The following IFT88 variants were observed in gnomAD, a reference collection of about 807,000 sequenced individuals.
The protein encoded by IFT88 is intraflagellar transport protein 88 homolog.
A neutral mutation model predicts 119.5 loss-of-function variants in IFT88; 74 were observed. The observed-to-expected ratio is 0.62, with a 90% confidence interval of 0.51 to 0.75. The LOEUF is 0.75. IFT88 is among the 30% of genes least tolerant of loss of function. The probability of loss-of-function intolerance (pLI) is 0.00; values close to 1 mark genes in which losing one functional copy is unlikely to be tolerated. For missense variants in IFT88, 961 were observed against 977.7 expected, an observed-to-expected ratio of 0.98 and a Z score of 0.23; for synonymous variants, 279 against 316.7, an observed-to-expected ratio of 0.88 and a Z score of 1.26.
At position 20,658,383 on chromosome 13, in the gene IFT88, G is replaced by C. The variant is rs368377279; in HGVS notation, c.2068+1953G>C. On this transcript the variant is annotated intron_variant, in intron 22 of 25. Transcript: ENST00000351808. ...GGTGTGAGCCACCATGCCCGGCCTA[G>C]AACTTTTTTAAAGTACAAATTTCTA... 1.8e-4 allele frequency among the ~76,000 whole-genome samples: 28 copies of C among 152,210 alleles called. No individual in the cohort carries two copies. In the East Asian group the frequency reaches 2.9e-3, roughly 16 times the overall value.
chr13:20,656,399 TACTC>T lies in IFT88; in HGVS notation c.2040_2043del (p.His681GlufsTer13). The T allele has an allele frequency of 2.6e-6, 4 of 1,524,362 alleles. No homozygotes were observed. Among genetic ancestry groups the T allele is most frequent in the Non-Finnish European group, 1.8e-6 (2 of 1,115,976 alleles). 94.4% of individuals were successfully genotyped at this position (1,524,362 alleles called of 1,614,324 possible). A position where few individuals can be genotyped will look rare whatever the true frequency, so the allele number is the denominator to read the frequency against. ...AAAAAGCATTAGATACTTACAAAGA[TACTC>T]ACAGAAAATTTCCAGAAAATGTCGA... is the stretch of plus-strand genomic sequence containing the variant. On this transcript the variant is annotated frameshift_variant, in exon 22 of 26. Transcript: ENST00000351808. LOFTEE classifies it high-confidence loss of function.
intron 22 of IFT88, 142 bp from the exon 23 acceptor site, chr13:20,663,356 G>A: frequency 6.6e-7 from 1 of 1,526,332 alleles, no homozygotes; most frequent in Non-Finnish European, 8.8e-7. Flanking sequence ...ATTGCAAAGT[G>A]TAATTATTTT....
intron 13 of IFT88, among the ~76,000 whole-genome samples, chr13:20,607,078 G>C (rs1171096571): frequency 1.3e-5 from 2 of 152,134 alleles, no homozygotes; most frequent in Non-Finnish European, 2.9e-5. Context: ...CGGCTACAGT[G>C]GGCAATGTGG....
At chr13:20,673,134 C>T (rs1243967507) in intron 24 of IFT88, among the ~76,000 whole-genome samples, 2 of 152,166 alleles carry the variant, frequency 1.3e-5, no homozygotes. Context: ...TTCACCATCC[C>T]CTAAGGATTC....
chr13:20,625,454 C>T lies in IFT88; in HGVS notation c.1200-296C>T, dbSNP rs146386057. On this transcript the variant is annotated intron_variant, in intron 14 of 25. Transcript: ENST00000351808. ...ATATGGAAAAATATGTGGAAACTGTCGTCTGTTACAAATTGTTATAATAGT... is the reference window on the plus strand; with the variant it reads ...ATATGGAAAAATATGTGGAAACTGTTGTCTGTTACAAATTGTTATAATAGT... 9.8e-3 allele frequency among the ~76,000 whole-genome samples: 1,492 copies of T among 152,138 alleles called. 25 individuals are homozygous for T. The highest frequency in any genetic ancestry group is 0.034 in the African/African-American group (1,400 of 41,510).
intron 2 of IFT88, among the ~76,000 whole-genome samples, chr13:20,582,214 G>A (rs897738442): frequency 2.0e-5 from 3 of 152,078 alleles, no homozygotes; most frequent in African/African-American, 4.8e-5. Context: ...GCTTTTGAGA[G>A]ACTATAAAAA....
chr13:20,572,954 C>T (rs1470708442), intron 1 of IFT88, among the ~76,000 whole-genome samples: 8 of 152,010 alleles, frequency 5.3e-5, no homozygotes, highest in Admixed American at 3.9e-4. Context: ...TACTTCATTG[C>T]GTAAGTATGC....
chr13:20,604,910 C>G (rs1426597542), intron 12 of IFT88, 125 bp from the exon 13 acceptor site: 2 of 465,186 alleles, frequency 4.3e-6, no homozygotes, highest in Non-Finnish European at 3.9e-6. Context: ...GAGCCATGAT[C>G]ATGCCACTGC....
At chr13:20,656,616 A>G (rs1302589155) in intron 22 of IFT88, among the ~76,000 whole-genome samples, 186 bp downstream of exon 22, 1 of 152,198 alleles carries the variant, frequency 6.6e-6, no homozygotes. Context: ...TATGTAACTA[A>G]TTGTTGATGG....
Position 20,567,212 on chromosome 13 carries a change from C to T in IFT88, c.-51C>T, listed in dbSNP as rs1002962508. 1 of 152,350 alleles carries T rather than the reference C, an allele frequency of 6.6e-6. No individual in the cohort carries two copies. The highest frequency in any genetic ancestry group is 2.4e-5 in the African/African-American group (1 of 41,464). 9.4% of individuals were successfully genotyped at this position (152,350 alleles called of 1,614,324 possible). On this transcript the variant is annotated 5_prime_UTR_variant, in exon 1 of 26. Transcript: ENST00000351808. ...GTCGCGCTTTGGCCAACCGCTGCGT[C>T]GTCCCTGGGCCCGAATAACTGTCGC...
rs773946920 is a variant in IFT88 at position 20,582,957 on chromosome 13, G to C, written c.91G>C (p.Glu31Gln). ...TGTTAAATTTGCGTTTTCATTTTAG[G>C]AATTGGAGAATGATGCAGCTTTTCA... ...NDYNPIYDIE[E>Q]LENDAAFQQA... Residue 31 changes from glutamate (E) to glutamine (Q), a missense_variant and splice_region_variant, in exon 3 of 26, where the codon GAA (glutamate) becomes CAA (glutamine). Glu to Gln is a conservative substitution (Grantham distance 29). Coordinates refer to ENST00000351808, the MANE Select transcript of IFT88 (RefSeq NM_006531.5). 1.2e-6 allele frequency: 2 copies of C among 1,610,398 alleles called. No homozygotes were observed. The highest frequency in any genetic ancestry group is 1.1e-5 in the South Asian group (1 of 90,692).
intron 20 of IFT88, among the ~76,000 whole-genome samples, chr13:20,652,623 A>G (rs1323120076): frequency 1.3e-5 from 2 of 152,150 alleles, no homozygotes; most frequent in Non-Finnish European, 2.9e-5. Context: ...CTGAAAAAAA[A>G]AAAAAGTTAC....
chr13:20,655,488 C>CATTCATT (rs1491477693), intron 21 of IFT88, among the ~76,000 whole-genome samples: 1 of 150,678 alleles, frequency 6.6e-6, no homozygotes, highest in Non-Finnish European at 1.5e-5. Context: ...ATTTATTTAT[C>CATTCATT]CATTCATTCA....
chr13:20,654,725 T>C (rs1055540692), intron 21 of IFT88, among the ~76,000 whole-genome samples: 3 of 152,166 alleles, frequency 2.0e-5, no homozygotes, highest in Admixed American at 6.5e-5. Flanking sequence ...ATTCCTCAAA[T>C]CATTTTAGGG....
chr13:20,648,759 A>G (rs1239789550), intron 20 of IFT88, among the ~76,000 whole-genome samples: 2 of 152,168 alleles, frequency 1.3e-5, no homozygotes, highest in Non-Finnish European at 2.9e-5. Context: ...GGGTCTATTT[A>G]TATACTGTCT....
At chr13:20,633,520 A>G (rs1246160361) in intron 16 of IFT88, among the ~76,000 whole-genome samples, 2 of 152,220 alleles carry the variant, frequency 1.3e-5, no homozygotes, top group Admixed American at 1.3e-4. Context: ...CATGGCGTGA[A>G]GCATGGTGTC....
intron 24 of IFT88, among the ~76,000 whole-genome samples, chr13:20,685,617 T>A (rs1189447354): frequency 6.6e-6 from 1 of 152,206 alleles, no homozygotes; most frequent in Non-Finnish European, 1.5e-5. Flanking sequence ...ACGCCTGTAA[T>A]CCCAGCACTT....
chr13:20,636,031 A>G (rs1463838408), intron 16 of IFT88, among the ~76,000 whole-genome samples: 3 of 152,168 alleles, frequency 2.0e-5, no homozygotes, highest in Non-Finnish European at 2.9e-5. Context: ...CTTTAATCCA[A>G]ACTAGCAACA....
intron 21 of IFT88, among the ~76,000 whole-genome samples, chr13:20,655,404 A>G (rs968258365): frequency 6.6e-6 from 1 of 150,876 alleles, no homozygotes; most frequent in Non-Finnish European, 1.5e-5. Context: ...GCGCCACTGC[A>G]CTCACTCCAG....
Sources: allele counts gnomAD v4.1 joint callset (sites outside exome capture counted in the v4.1 genomes callset), GRCh38; gene constraint gnomAD v4.1.1; transcripts MANE v1.5; gene names NCBI Gene and HGNC (gene_info 2026-07-23, HGNC 2026-07-21).